GRIA2: variants seen among roughly 807,000 people sequenced by gnomAD.
GRIA2 encodes glutamate receptor 2.
Under a neutral mutation model 97.3 loss-of-function variants are expected in GRIA2, and 14 were observed. The ratio of observed to expected loss-of-function variants is 0.14; its 90% CI spans 0.10 to 0.23. GRIA2 has a LOEUF of 0.23. Among genes scored for constraint, GRIA2 ranks in the 10% least tolerant of loss-of-function variants. GRIA2 has a pLI of 1.00. For missense variants in GRIA2, 558 were observed against 1,069.8 expected, an observed-to-expected ratio of 0.52 and a Z score of 6.67; for synonymous variants, 412 against 387.8, an observed-to-expected ratio of 1.06 and a Z score of -0.73.
At chr4:157,328,627 A>G (rs971280385) in intron 6 of GRIA2, among the ~76,000 whole-genome samples, 2 of 152,030 alleles carry the variant, frequency 1.3e-5, no homozygotes, top group African/African-American at 4.8e-5. Flanking sequence ...AAACCAGACA[A>G]TGCCTTGATT....
intron 2 of GRIA2, among the ~76,000 whole-genome samples, chr4:157,258,288 T>C (rs1731370243): frequency 6.6e-6 from 1 of 152,064 alleles, no homozygotes; most frequent in African/African-American, 2.4e-5. Flanking sequence ...TACTGAATTC[T>C]TTTTCTCAGC....
At chr4:157,281,370 G>A (rs886321196) in intron 2 of GRIA2, among the ~76,000 whole-genome samples, 1 of 152,080 alleles carries the variant, frequency 6.6e-6, no homozygotes, top group East Asian at 1.9e-4. Context: ...GTAAGAGCTG[G>A]TCCATATTTT....
chr4:157,352,319 T>C (rs1391387494), intron 12 of GRIA2, among the ~76,000 whole-genome samples: 2 of 152,200 alleles, frequency 1.3e-5, no homozygotes, highest in African/African-American at 4.8e-5. Context: ...GGAAAGGTAA[T>C]CTTTTTGAAT....
rs189411060 is a variant in GRIA2, at chr4:157,363,826, A to G, written c.*395A>G. On this transcript the variant is annotated 3_prime_UTR_variant, in exon 16 of 16. Transcript: ENST00000264426. ...CATGCACAGCTAACATGGAAGTACTATAATTTACCTGAAGTCTTTGTACAG... is the reference window on the plus strand; with the variant it reads ...CATGCACAGCTAACATGGAAGTACTGTAATTTACCTGAAGTCTTTGTACAG... 710 of 331,912 alleles carry G rather than the reference A, an allele frequency of 2.1e-3. 5 individuals are homozygous for G. The highest frequency in any genetic ancestry group is 4.8e-3 in the Middle Eastern group (6 of 1,256). 20.6% of individuals were successfully genotyped at this position (331,912 alleles called of 1,614,324 possible).
intron 10 of GRIA2, 139 bp from the exon 11 acceptor site, chr4:157,336,238 T>C: frequency 1.4e-6 from 1 of 714,292 alleles, no homozygotes; most frequent in African/African-American, 1.8e-5. Flanking sequence ...TTGTTTATCC[T>C]TTACTGGGAC....
At chr4:157,270,765 GA>G (rs1731984865) in intron 2 of GRIA2, among the ~76,000 whole-genome samples, 1 of 152,018 alleles carries the variant, frequency 6.6e-6, no homozygotes, top group Non-Finnish European at 1.5e-5. Context: ...TGGATGTCAG[GA>G]AGACGTTCAG....
chr4:157,351,703 C>A (rs553346727), intron 12 of GRIA2, among the ~76,000 whole-genome samples: 1 of 152,252 alleles, frequency 6.6e-6, no homozygotes, highest in African/African-American at 2.4e-5. Flanking sequence ...GAAACTGATT[C>A]ATGGAGGCAG....
At chr4:157,224,711 A>G (rs1269153302) in intron 2 of GRIA2, among the ~76,000 whole-genome samples, 1 of 152,086 alleles carries the variant, frequency 6.6e-6, no homozygotes, top group African/African-American at 2.4e-5. Flanking sequence ...GATCGTTTAA[A>G]TCCTGCTTAA....
At chr4:157,300,325 T>C (rs1733560214) in intron 2 of GRIA2, among the ~76,000 whole-genome samples, 1 of 152,176 alleles carries the variant, frequency 6.6e-6, no homozygotes, top group Non-Finnish European at 1.5e-5. Flanking sequence ...CGAACAGTCT[T>C]GGATATTTGG....
At chr4:157,330,043 A>G (rs1259125138) in intron 6 of GRIA2, among the ~76,000 whole-genome samples, 3 of 151,956 alleles carry the variant, frequency 2.0e-5, no homozygotes, top group Non-Finnish European at 4.4e-5. Context: ...GGTTTTTTAG[A>G]CTTACTGGGA....
At chr4:157,358,913 C>A (rs1271603301) in intron 12 of GRIA2, among the ~76,000 whole-genome samples, 1 of 152,062 alleles carries the variant, frequency 6.6e-6, no homozygotes, top group Non-Finnish European at 1.5e-5. Flanking sequence ...ACAAACCCCC[C>A]CCAAACCTCT....
At chr4:157,330,906 A>G (rs1167187460) in intron 6 of GRIA2, among the ~76,000 whole-genome samples, 2 of 151,998 alleles carry the variant, frequency 1.3e-5, no homozygotes, top group African/African-American at 4.8e-5. Context: ...TTCAAAGGAG[A>G]TAGTTACATT....
Position 157,331,963 on chromosome 4 carries a change from G to A in GRIA2, c.883-856G>A, listed in dbSNP as rs566759253. The stretch of plus-strand genomic sequence containing the variant: ...GCATTTTTTTCTCCCAAGCTTCGCC[G>A]TACTCTTAGTACCTACAGATTGAAA... On this transcript the variant is annotated intron_variant, in intron 6 of 15. Coordinates refer to ENST00000264426, the MANE Select transcript of GRIA2 (RefSeq NM_001083619.3). 1.4e-4 allele frequency among the ~76,000 whole-genome samples: 21 copies of A among 152,026 alleles called. No homozygotes were observed. In the South Asian group the frequency reaches 1.7e-3, roughly 12 times the overall value.
intron 2 of GRIA2, among the ~76,000 whole-genome samples, chr4:157,283,979 A>G (rs1014048852): frequency 3.9e-5 from 6 of 151,910 alleles, no homozygotes; most frequent in Non-Finnish European, 7.4e-5. Flanking sequence ...AATGTTAGAG[A>G]GGTTTTTAAT....
chr4:157,254,597 C>A (rs147404351), intron 2 of GRIA2, among the ~76,000 whole-genome samples: 3 of 152,100 alleles, frequency 2.0e-5, no homozygotes, highest in African/African-American at 7.2e-5. Context: ...ATCCAGCAAA[C>A]ATGTTAAGAA....
intron 3 of GRIA2, among the ~76,000 whole-genome samples, chr4:157,309,481 A>C (rs2126879370): frequency 6.6e-6 from 1 of 151,394 alleles, no homozygotes; most frequent in African/African-American, 2.4e-5. Context: ...TCTTCCAAGT[A>C]GCTGGGATTA....
At chr4:157,272,943 A>T (rs566744733) in intron 2 of GRIA2, among the ~76,000 whole-genome samples, 1 of 152,166 alleles carries the variant, frequency 6.6e-6, no homozygotes, top group South Asian at 2.1e-4. Context: ...CCCACATCTT[A>T]CCACCATATC....
At chr4:157,293,518 T>A (rs1733198521) in intron 2 of GRIA2, among the ~76,000 whole-genome samples, 1 of 152,250 alleles carries the variant, frequency 6.6e-6, no homozygotes, top group Non-Finnish European at 1.5e-5. Context: ...TTACTAGAAC[T>A]ATGGGGCTAG....
rs1553958247 is a variant in GRIA2 at position 157,352,737 on chromosome 4, A to AAC, written c.2044-7151_2044-7150dup. ...TCCATCTAAAAAAAAAAAAAAAAAA[A>AAC]ACACACACAACAACAACAACAAAAA... On this transcript the variant is annotated intron_variant, in intron 12 of 15. Coordinates refer to ENST00000264426, the MANE Select transcript of GRIA2 (RefSeq NM_001083619.3). Among the ~76,000 whole-genome samples, 45 of 150,236 alleles carry AAC rather than the reference A, an allele frequency of 3.0e-4. 1 individual carries two copies. The highest frequency in any genetic ancestry group is 6.8e-3 in the Middle Eastern group (2 of 292).
Sources: allele counts gnomAD v4.1 joint callset (sites outside exome capture counted in the v4.1 genomes callset), GRCh38; gene constraint gnomAD v4.1.1; transcripts MANE v1.5; gene names NCBI Gene and HGNC (gene_info 2026-07-23, HGNC 2026-07-21).